Variants in STPG4 observed in about 807,000 individuals in gnomAD.
The protein encoded by STPG4 is sperm-tail PG-rich repeat containing 4, also known as protein STPG4.
Under a neutral mutation model 31.5 loss-of-function variants are expected in STPG4, and 41 were observed. The ratio of observed to expected loss-of-function variants is 1.30; its 90% confidence interval spans 1.01 to 1.69. STPG4 has a LOEUF of 1.69. Ranked by LOEUF, STPG4 falls within the 40% of genes most tolerant of loss-of-function variation. STPG4 has a pLI of 0.00. For missense variants in STPG4, 375 were observed against 293.4 expected, an observed-to-expected ratio of 1.28 and a Z score of -2.03; for synonymous variants, 141 against 103.0, an observed-to-expected ratio of 1.37 and a Z score of -2.24.
intron 5 of STPG4, 127 bp downstream of exon 5, chr2:47,129,814 A>C: frequency 8.5e-7 from 1 of 1,170,346 alleles, no homozygotes; most frequent in South Asian, 1.6e-5. Context: ...TTGTGTGGAT[A>C]ATGGTGTTCC....
intron 5 of STPG4, among the ~76,000 whole-genome samples, chr2:47,118,060 C>T (rs1686187634): frequency 6.6e-6 from 1 of 152,088 alleles, no homozygotes; most frequent in South Asian, 2.1e-4. Flanking sequence ...TGCACCTGGT[C>T]TGACAGCACA....
chr2:47,152,158 G>C (rs955626281), intron 2 of STPG4, among the ~76,000 whole-genome samples: 1 of 151,900 alleles, frequency 6.6e-6, no homozygotes, highest in Non-Finnish European at 1.5e-5. Context: ...ACTCAGGATA[G>C]TCTCTTGGCT....
intron 5 of STPG4, among the ~76,000 whole-genome samples, chr2:47,125,583 G>C (rs1447988563): frequency 6.6e-6 from 1 of 152,112 alleles, no homozygotes; most frequent in African/African-American, 2.4e-5. Flanking sequence ...TTTTTAACTT[G>C]ATGTGATCCC....
intron 5 of STPG4, among the ~76,000 whole-genome samples, chr2:47,119,315 A>C (rs1686215002): frequency 6.6e-6 from 1 of 152,234 alleles, no homozygotes; most frequent in Non-Finnish European, 1.5e-5. Flanking sequence ...CAAATCAGTG[A>C]ATCACTTTTA....
At chr2:47,147,953 T>C (rs1686858749) in intron 3 of STPG4, among the ~76,000 whole-genome samples, 1 of 89,086 alleles carries the variant, frequency 1.1e-5, no homozygotes, top group Non-Finnish European at 2.4e-5. Context: ...TATATACATA[T>C]TCCTTTTTTT....
chr2:47,102,730 A>G (rs1006683352), intron 5 of STPG4, among the ~76,000 whole-genome samples: 3 of 151,694 alleles, frequency 2.0e-5, no homozygotes, highest in Admixed American at 6.6e-5. Flanking sequence ...AGGACCATAA[A>G]AAACCCCGGG....
At chr2:47,145,126 T>C (rs1573197755) in intron 3 of STPG4, among the ~76,000 whole-genome samples, 1 of 152,192 alleles carries the variant, frequency 6.6e-6, no homozygotes, top group South Asian at 2.1e-4. Context: ...AGGAGGTAAG[T>C]GGCTTAATTT....
Position 47,103,551 on chromosome 2 carries a change from G to C in STPG4, c.520-13177C>G, listed in dbSNP as rs577299736. ...ATGGCCCTCAGACAGACAAACCTTG[G>C]TGGTTCAGAGAGGACAGAAAATGGA... On this transcript the variant is annotated intron_variant, in intron 5 of 6. Transcript: ENST00000445927. 2.1e-4 allele frequency among the ~76,000 whole-genome samples: 32 copies of C among 152,060 alleles called. 2 individuals carry two copies. In the South Asian group the frequency reaches 6.7e-3, roughly 32 times the overall value.
intron 5 of STPG4, among the ~76,000 whole-genome samples, chr2:47,111,786 G>C (rs916788285): frequency 6.6e-6 from 1 of 152,174 alleles, no homozygotes; most frequent in Non-Finnish European, 1.5e-5. Flanking sequence ...AAATGATGCT[G>C]ATCCATCACC....
chr2:47,139,675 G>T (rs1240086008), intron 3 of STPG4, among the ~76,000 whole-genome samples: 2 of 151,992 alleles, frequency 1.3e-5, no homozygotes, highest in African/African-American at 4.8e-5. Flanking sequence ...CCTCCACGCA[G>T]ATGATGCCAT....
At chr2:47,114,575 T>G (rs1686106714) in intron 5 of STPG4, among the ~76,000 whole-genome samples, 1 of 152,202 alleles carries the variant, frequency 6.6e-6, no homozygotes, top group South Asian at 2.1e-4. Context: ...GTTTTTTATC[T>G]GAGCATTGAG....
At chr2:47,134,519 TG>T (rs1686558151) in intron 3 of STPG4, among the ~76,000 whole-genome samples, 1 of 152,252 alleles carries the variant, frequency 6.6e-6, no homozygotes, top group African/African-American at 2.4e-5. Context: ...CTCCATGTCT[TG>T]TTATGGCTTC....
chr2:47,136,122 T>C (rs908487262), intron 3 of STPG4, among the ~76,000 whole-genome samples: 2 of 152,150 alleles, frequency 1.3e-5, no homozygotes, highest in Non-Finnish European at 2.9e-5. Context: ...GGAAATCTCT[T>C]CATTTATTGA....
chr2:47,126,730 T>G (rs1328431987), intron 5 of STPG4, among the ~76,000 whole-genome samples: 1 of 152,168 alleles, frequency 6.6e-6, no homozygotes, highest in Non-Finnish European at 1.5e-5. Flanking sequence ...ATGCCTTAGC[T>G]TTGGTTGTCT....
chr2:47,145,301 G>T (rs190744044), intron 3 of STPG4, among the ~76,000 whole-genome samples: 1 of 152,174 alleles, frequency 6.6e-6, no homozygotes, highest in Non-Finnish European at 1.5e-5. Context: ...TGAGACCCTA[G>T]AAAGGTACTT....
chr2:47,090,293 G>T lies in STPG4; in HGVS notation c.601C>A (p.Pro201Thr). 1.9e-6 allele frequency: 3 copies of T among 1,551,498 alleles called. No individual in the cohort carries two copies. The highest frequency in any genetic ancestry group is 2.6e-6 in the Non-Finnish European group (3 of 1,146,790). ...ACTGAACAGCTGGGCAAGAATCGAG[G>T]GACTCTGGATTGAAAACAAGAAGTG... is the stretch of plus-strand genomic sequence containing the variant. ...SVTSCFQSRVPRFLPSCSKTP... is the reference protein window; with the variant it reads ...SVTSCFQSRVTRFLPSCSKTP... The change falls in exon 6 of 7, where the codon CCT becomes ACT. Residue 201 changes from proline (P) to threonine (T), a missense_variant. Physicochemically the swap from Pro to Thr is conservative, Grantham distance 38. Transcript: ENST00000445927.
intron 5 of STPG4, among the ~76,000 whole-genome samples, chr2:47,123,786 T>C (rs942270161): frequency 6.6e-6 from 1 of 152,170 alleles, no homozygotes; most frequent in Admixed American, 6.5e-5. Context: ...AAAGGATTCA[T>C]AGTATATTTT....
At chr2:47,138,234 C>G (rs1686636343) in intron 3 of STPG4, among the ~76,000 whole-genome samples, 1 of 152,192 alleles carries the variant, frequency 6.6e-6, no homozygotes, top group East Asian at 1.9e-4. Flanking sequence ...TCTAACAACA[C>G]AGATCCATGT....
chr2:47,110,497 G>C (rs768403972), intron 5 of STPG4, among the ~76,000 whole-genome samples: 3 of 152,162 alleles, frequency 2.0e-5, no homozygotes, highest in Admixed American at 6.5e-5. Flanking sequence ...GGGAGACTGA[G>C]GCAGGAGAAT....
Sources: allele counts gnomAD v4.1 joint callset (sites outside exome capture counted in the v4.1 genomes callset), GRCh38; gene constraint gnomAD v4.1.1; transcripts MANE v1.5; gene names NCBI Gene and HGNC (gene_info 2026-07-23, HGNC 2026-07-21).